PCDHA13: variants seen among roughly 807,000 people sequenced by gnomAD.
The protein encoded by PCDHA13 is protocadherin alpha-13.
In PCDHA13, 54 loss-of-function variants were observed where a neutral mutation model predicts 64.8. That is an observed-to-expected ratio of 0.83 (90% CI 0.67 to 1.04). PCDHA13 has a LOEUF of 1.04. Among genes scored for constraint, PCDHA13 ranks in the 50% least tolerant of loss-of-function variants. PCDHA13 has a pLI of 0.00. For missense variants in PCDHA13, 1,248 were observed against 1,254.3 expected (o/e 0.99, Z 0.08); for synonymous variants, 587 against 564.4 (o/e 1.04, Z -0.57).
chr5:140,965,401 A>G (rs546046699), intron 1 of PCDHA13, among the ~76,000 whole-genome samples: 2 of 152,284 alleles, frequency 1.3e-5, no homozygotes, highest in African/African-American at 4.8e-5. Flanking sequence ...AAGTCTAAGG[A>G]GTCTTATATT....
At chr5:140,887,249 A>AC (rs1367463344) in intron 1 of PCDHA13, among the ~76,000 whole-genome samples, 3 of 151,838 alleles carry the variant, frequency 2.0e-5, no homozygotes, top group Non-Finnish European at 4.4e-5. Context: ...GGCGCCCGCC[A>AC]CCACGCCCTG....
intron 1 of PCDHA13, among the ~76,000 whole-genome samples, chr5:140,909,316 G>C (rs2074435468): frequency 6.6e-6 from 1 of 152,198 alleles, no homozygotes; most frequent in Non-Finnish European, 1.5e-5. Flanking sequence ...AAAGGCATTT[G>C]CCAAATCAAT....
chr5:140,883,589 G>A lies in PCDHA13; in HGVS notation c.1321G>A (p.Val441Met), dbSNP rs782300348. 1.9e-6 allele frequency: 3 copies of A among 1,614,014 alleles called. No individual in the cohort carries two copies. The highest frequency in any genetic ancestry group is 2.2e-5 in the East Asian group (1 of 44,884). Residue 441 changes from valine (V) to methionine (M), a missense_variant, in exon 1 of 4, where the codon GTG (valine) becomes ATG (methionine). Physicochemically the swap from Val to Met is conservative, Grantham distance 21 (BLOSUM62 1). Transcript: ENST00000289272. ...GSPSLWATAS[V>M]SVGVADVNDN... ...GCCTTCGCTGTGGGCCACGGCCAGC[G>A]TGTCGGTGGGGGTGGCCGACGTGAA...
At chr5:140,956,003 C>T (rs2153708657) in intron 1 of PCDHA13, among the ~76,000 whole-genome samples, 1 of 152,232 alleles carries the variant, frequency 6.6e-6, no homozygotes, top group East Asian at 1.9e-4. Flanking sequence ...ATTTTGTATC[C>T]TGAGACTTTG....
intron 1 of PCDHA13, among the ~76,000 whole-genome samples, chr5:140,908,700 G>A (rs1357815625): frequency 6.6e-6 from 1 of 152,184 alleles, no homozygotes; most frequent in Non-Finnish European, 1.5e-5. Flanking sequence ...GACACCTCAA[G>A]CACCATTGGA....
At chr5:140,914,782 G>T (rs563426406) in intron 1 of PCDHA13, among the ~76,000 whole-genome samples, 3 of 151,862 alleles carry the variant, frequency 2.0e-5, no homozygotes, top group Non-Finnish European at 4.4e-5. Context: ...CTTATCTTAT[G>T]ACCCATTATT....
At chr5:140,960,067 A>T (rs1423900287) in intron 1 of PCDHA13, among the ~76,000 whole-genome samples, 1 of 152,228 alleles carries the variant, frequency 6.6e-6, no homozygotes, top group East Asian at 1.9e-4. Context: ...AGAAGATTCA[A>T]TTGAAGTTTC....
intron 1 of PCDHA13, chr5:140,930,291 C>G (rs529065220): frequency 2.0e-5 from 3 of 152,094 alleles, no homozygotes; most frequent in Non-Finnish European, 4.4e-5. Flanking sequence ...ATACACTTAA[C>G]AAATAAGTAA....
chr5:140,990,754 G>A (rs3822343), intron 3 of PCDHA13, among the ~76,000 whole-genome samples: 7,419 of 152,246 alleles, frequency 0.049, 237 homozygotes, highest in South Asian at 0.11. Flanking sequence ...GGATACCTTT[G>A]AGCCTGTAAA....
intron 3 of PCDHA13, among the ~76,000 whole-genome samples, chr5:140,995,493 G>T (rs1427672474): frequency 6.6e-6 from 1 of 152,148 alleles, no homozygotes; most frequent in Non-Finnish European, 1.5e-5. Flanking sequence ...TCAGACTAAG[G>T]TTGACTGTGG....
intron 1 of PCDHA13, chr5:140,927,113 A>G (rs782135853): frequency 1.9e-6 from 3 of 1,613,684 alleles, no homozygotes; most frequent in African/African-American, 1.3e-5. Context: ...CCCAGCGGCA[A>G]TTTGGTGGTC....
chr5:140,882,652 C>T lies in PCDHA13; in HGVS notation c.384C>T (p.Asp128=), dbSNP rs781900873. ...HVEVKVRDIN[D]NPPIFPESKK... Reference sequence around the variant, plus strand: ...AGGTGAAGGTGAGGGACATTAACGACAACCCGCCCATATTCCCTGAAAGCA... The same window carrying T: ...AGGTGAAGGTGAGGGACATTAACGATAACCCGCCCATATTCCCTGAAAGCA... The change falls in exon 1 of 4, where the codon GAC becomes GAT. Residue 128 remains aspartate, a synonymous_variant. Coordinates refer to ENST00000289272, the MANE Select transcript of PCDHA13 (RefSeq NM_018904.3). 6.2e-7 allele frequency: 1 copy of T among 1,614,216 alleles called. No homozygotes were observed. The highest frequency in any genetic ancestry group is 8.5e-7 in the Non-Finnish European group (1 of 1,180,044).
At chr5:140,973,862 A>G (rs1438238778) in intron 1 of PCDHA13, among the ~76,000 whole-genome samples, 2 of 152,196 alleles carry the variant, frequency 1.3e-5, no homozygotes, top group Non-Finnish European at 2.9e-5. Flanking sequence ...TTTGCTCTCA[A>G]TGAGAGGTCA....
rs114351206 is a variant in PCDHA13 at position 140,991,799 on chromosome 5, G to A, written c.2542+9236G>A. Among the ~76,000 whole-genome samples the A allele has an allele frequency of 3.8e-3, 580 of 152,160 alleles. 3 individuals are homozygous for A. The highest frequency in any genetic ancestry group is 0.013 in the African/African-American group (548 of 41,490). On this transcript the variant is annotated intron_variant, in intron 3 of 3. Coordinates refer to ENST00000289272, the MANE Select transcript of PCDHA13 (RefSeq NM_018904.3). ...ACTCTGCCCATTTCCCAATCTCAAG[G>A]CCACTTCCGCATTTTTAGGCATTTA... is the stretch of plus-strand genomic sequence containing the variant.
At chr5:140,971,221 G>A (rs1234658755) in intron 1 of PCDHA13, among the ~76,000 whole-genome samples, 1 of 152,082 alleles carries the variant, frequency 6.6e-6, no homozygotes, top group East Asian at 1.9e-4. Flanking sequence ...TCCCTCTCCT[G>A]ACTCAAAGCT....
Position 140,979,001 on chromosome 5 carries a change from T to C in PCDHA13, c.2447T>C (p.Met816Thr). ...WRYSASLRAG[M>T]HSSVHLEEAG... Reference sequence around the variant, plus strand: ...TACTCTGCCTCCCTGAGAGCAGGCATGCACAGGTATGTATTTCCCTCCTCA... The same window carrying C: ...TACTCTGCCTCCCTGAGAGCAGGCACGCACAGGTATGTATTTCCCTCCTCA... Residue 816 changes from methionine (M) to threonine (T), a missense_variant, in exon 2 of 4, where the codon ATG becomes ACG. By Grantham distance (81) the Met-to-Thr change is moderately conservative (BLOSUM62 -1). Transcript: ENST00000289272. 6.2e-7 allele frequency: 1 copy of C among 1,614,148 alleles called. No individual in the cohort carries two copies. Among genetic ancestry groups the C allele is most frequent in the Non-Finnish European group, 8.5e-7 (1 of 1,180,016 alleles).
chr5:140,929,443 T>C, intron 1 of PCDHA13: 1 of 1,426,882 alleles, frequency 7.0e-7, no homozygotes, highest in Non-Finnish European at 9.3e-7. Flanking sequence ...AAACACTCCT[T>C]CTTAGCACTT....
chr5:140,898,056 T>A (rs1330796298), intron 1 of PCDHA13, among the ~76,000 whole-genome samples: 5 of 152,202 alleles, frequency 3.3e-5, no homozygotes, highest in Admixed American at 3.3e-4. Context: ...TTCTTGTAAA[T>A]TTGTTTGAGT....
chr5:140,988,516 G>A (rs1226381986), intron 3 of PCDHA13, among the ~76,000 whole-genome samples: 1 of 152,156 alleles, frequency 6.6e-6, no homozygotes, highest in African/African-American at 2.4e-5. Flanking sequence ...GCTTACTTAA[G>A]TCTCTGCTGG....
Sources: gnomAD v4.1 joint callset for allele counts (sites outside exome capture counted in the v4.1 genomes callset) on GRCh38, gnomAD v4.1.1 for gene constraint, MANE v1.5 for transcripts, NCBI Gene and HGNC (gene_info 2026-07-23, HGNC 2026-07-21) for gene names.